The following MMAA variants were observed in gnomAD, a reference collection of about 807,000 sequenced individuals.
The protein encoded by MMAA is metabolism of cobalamin associated A, also known as methylmalonic aciduria type A protein, mitochondrial.
Under a neutral mutation model 45.0 loss-of-function variants are expected in MMAA, and 41 were observed. The observed-to-expected ratio is 0.91, with a 90% confidence interval of 0.71 to 1.18. The LOEUF (loss-of-function observed/expected upper bound fraction) is 1.18, where lower values mean the gene tolerates loss of function less well. MMAA is among the 50% of genes most tolerant of loss of function. The pLI, the probability that MMAA is intolerant of heterozygous loss-of-function variation, is 0.00. For synonymous variants in MMAA, 154 were observed against 178.2 expected, an observed-to-expected ratio of 0.86 and a Z score of 1.08; for missense variants, 460 against 495.7, an observed-to-expected ratio of 0.93 and a Z score of 0.68.
At chr4:145,646,941 A>G (rs1371198657) in intron 4 of MMAA, among the ~76,000 whole-genome samples, 2 of 152,230 alleles carry the variant, frequency 1.3e-5, no homozygotes, top group African/African-American at 4.8e-5. Context: ...TGCCATGCCA[A>G]GGAGTCTTCT....
intron 4 of MMAA, among the ~76,000 whole-genome samples, chr4:145,650,213 G>A (rs1560800765): frequency 1.3e-5 from 2 of 152,144 alleles, no homozygotes; most frequent in African/African-American, 4.8e-5. Flanking sequence ...GTGCCGGGGG[G>A]CAAGAGCCTG....
chr4:145,650,188 CA>C (rs762364617), intron 4 of MMAA, among the ~76,000 whole-genome samples: 2 of 152,046 alleles, frequency 1.3e-5, no homozygotes, highest in South Asian at 4.2e-4. Flanking sequence ...AAGATTTGAG[CA>C]CAATTTATGT....
chr4:145,634,278 C>A (rs1190567979), intron 1 of MMAA, among the ~76,000 whole-genome samples: 1 of 152,170 alleles, frequency 6.6e-6, no homozygotes, highest in East Asian at 1.9e-4. Context: ...AACCACAAGG[C>A]AGCATCCTTC....
rs1728244472 is a variant in MMAA at position 145,656,745 on chromosome 4, G to A, written c.*1311G>A. 1 of 152,112 alleles carries A rather than the reference G, an allele frequency of 6.6e-6. No individual in the cohort carries two copies. Among genetic ancestry groups the A allele is most frequent in the African/African-American group, 2.4e-5 (1 of 41,414 alleles). 9.4% of individuals were successfully genotyped at this position (152,112 alleles called of 1,614,324 possible). The stretch of plus-strand genomic sequence containing the variant: ...CATTGCACAAAAAGCCTTTATAGAA[G>A]TTTCTAACATATTCTATTCTGAACC... On this transcript the variant is annotated 3_prime_UTR_variant, in exon 7 of 7. Transcript: ENST00000649156.
intron 1 of MMAA, chr4:145,624,316 T>C (rs1020155911): frequency 1.3e-6 from 1 of 791,260 alleles, no homozygotes; most frequent in African/African-American, 1.7e-5. Context: ...TAGGTCTTCT[T>C]TCGAAGCAGT....
Position 145,639,587 on chromosome 4 carries a change from T to A in MMAA, c.439+9T>A. 6.2e-7 allele frequency: 1 copy of A among 1,602,580 alleles called. No individual in the cohort carries two copies. Among genetic ancestry groups the A allele is most frequent in the Non-Finnish European group, 8.5e-7 (1 of 1,173,702 alleles). On this transcript the variant is annotated intron_variant, in intron 2 of 6. Transcript: ENST00000649156. Reference sequence around the variant, plus strand: ...ACTAGCATTTCGAGTAGGTCAGTCTTTTTTGTGTGTTTTCTCAGTAAATAT... The same window carrying A: ...ACTAGCATTTCGAGTAGGTCAGTCTATTTTGTGTGTTTTCTCAGTAAATAT...
At chr4:145,625,533 G>A (rs1349130056) in intron 1 of MMAA, 3 of 745,872 alleles carry the variant, frequency 4.0e-6, no homozygotes, top group Admixed American at 3.5e-5. Flanking sequence ...ACTAGCATAA[G>A]CCATCAAGTG....
intron 1 of MMAA, chr4:145,625,192 G>A (rs944297386): frequency 6.2e-5 from 88 of 1,426,980 alleles, no homozygotes; most frequent in Non-Finnish European, 8.5e-5. Flanking sequence ...AACTAGTAGT[G>A]GAATGGCTGT....
intron 1 of MMAA, among the ~76,000 whole-genome samples, chr4:145,633,068 C>G (rs1181062388): frequency 2.6e-5 from 4 of 151,348 alleles, no homozygotes; most frequent in Admixed American, 1.3e-4. Context: ...ATTCTTTCTT[C>G]TGCTTGATCA....
intron 1 of MMAA, chr4:145,625,339 G>T: frequency 1.4e-6 from 1 of 708,016 alleles, no homozygotes. Context: ...TATTCTCCAA[G>T]GTCTGCTTTT....
At chr4:145,648,566 T>C (rs1471770690) in intron 4 of MMAA, among the ~76,000 whole-genome samples, 1 of 152,186 alleles carries the variant, frequency 6.6e-6, no homozygotes, top group Non-Finnish European at 1.5e-5. Flanking sequence ...GCCTGAGTAG[T>C]AGTAGGAGAA....
intron 6 of MMAA, among the ~76,000 whole-genome samples, chr4:145,654,401 C>T (rs1209542793): frequency 1.3e-5 from 2 of 152,072 alleles, no homozygotes; most frequent in Non-Finnish European, 2.9e-5. Context: ...GATAGCAAAT[C>T]CATTCTGAAA....
intron 1 of MMAA, chr4:145,624,393 G>T: frequency 1.3e-6 from 1 of 782,710 alleles, no homozygotes; most frequent in Non-Finnish European, 2.3e-6. Context: ...GAGCCAGTCA[G>T]CTGTGTTAAA....
At chr4:145,642,765 A>G in intron 3 of MMAA, 1 of 416,448 alleles carries the variant, frequency 2.4e-6, no homozygotes, top group South Asian at 2.2e-5. Context: ...TCAGTCCTTC[A>G]GCTTCCATGC....
In MMAA at chr4:145,634,275, A is replaced by G. The variant is rs1370034377; in HGVS notation, c.-65-4800A>G. 2.0e-5 allele frequency among the ~76,000 whole-genome samples: 3 copies of G among 152,184 alleles called. No homozygotes were observed. The East Asian group carries it at 5.8e-4, about 29-fold the overall frequency. On this transcript the variant is annotated intron_variant, in intron 1 of 6. Transcript: ENST00000649156. ...TGGCTAAGCTGGTGTTCAAACCACA[A>G]GGCAGCATCCTTCCCATTCTTTCCT...
At chr4:145,626,148 A>G (rs140806017) in intron 1 of MMAA, 13 of 491,502 alleles carry the variant, frequency 2.6e-5, no homozygotes, top group Non-Finnish European at 3.9e-5. Flanking sequence ...TCGATTATTG[A>G]TCTAGTTCTT....
chr4:145,634,318 A>C (rs1727546824), intron 1 of MMAA, among the ~76,000 whole-genome samples: 1 of 152,192 alleles, frequency 6.6e-6, no homozygotes, highest in Non-Finnish European at 1.5e-5. Context: ...CCAAAGGCAG[A>C]GGAGCCTCAC....
At chr4:145,649,952 T>G (rs1267629490) in intron 4 of MMAA, among the ~76,000 whole-genome samples, 2 of 152,168 alleles carry the variant, frequency 1.3e-5, no homozygotes, top group Non-Finnish European at 2.9e-5. Flanking sequence ...ATTTTTGTAT[T>G]TTTTGTAGAG....
chr4:145,642,933 C>T (rs1727827456), intron 3 of MMAA: 1 of 230,618 alleles, frequency 4.3e-6, no homozygotes, highest in African/African-American at 2.3e-5. Context: ...TAATTGTCAA[C>T]TGTTTATATA....
Sources: gnomAD v4.1 joint callset for allele counts (sites outside exome capture counted in the v4.1 genomes callset) on GRCh38, gnomAD v4.1.1 for gene constraint, MANE v1.5 for transcripts, NCBI Gene and HGNC (gene_info 2026-07-23, HGNC 2026-07-21) for gene names.